Variants in RALGPS1 observed in about 807,000 individuals in gnomAD.
The protein encoded by RALGPS1 is Ral GEF with PH domain and SH3 binding motif 1, also known as ras-specific guanine nucleotide-releasing factor RalGPS1.
A neutral mutation model predicts 78.8 loss-of-function variants in RALGPS1; 19 were observed. The observed-to-expected ratio is 0.24, with a 90% CI of 0.17 to 0.35. RALGPS1 has a LOEUF of 0.35. RALGPS1 is among the 10% of genes least tolerant of loss of function. The probability of loss-of-function intolerance (pLI) is 1.00; values close to 1 mark genes in which losing one functional copy is unlikely to be tolerated. For synonymous variants in RALGPS1, 228 were observed against 256.3 expected (o/e 0.89, Z 1.06); for missense variants, 454 against 688.3 (o/e 0.66, Z 3.81).
intron 8 of RALGPS1, among the ~76,000 whole-genome samples, chr9:127,080,579 T>C (rs910888241): frequency 1.3e-5 from 2 of 152,198 alleles, no homozygotes; most frequent in Non-Finnish European, 2.9e-5. Context: ...ATCATAGATA[T>C]TGTACAGTGG....
intron 4 of RALGPS1, among the ~76,000 whole-genome samples, chr9:126,982,227 C>G (rs907481934): frequency 4.6e-5 from 7 of 152,188 alleles, no homozygotes; most frequent in African/African-American, 1.7e-4. Flanking sequence ...AGCTGGACAC[C>G]AGCAAGTAGG....
At chr9:127,098,249 G>T (rs557041811) in intron 8 of RALGPS1, among the ~76,000 whole-genome samples, 1 of 152,208 alleles carries the variant, frequency 6.6e-6, no homozygotes, top group Non-Finnish European at 1.5e-5. Flanking sequence ...AGTTTTCAAC[G>T]TGCAGTGGGC....
At position 127,219,046 on chromosome 9, in the gene RALGPS1, A is replaced by C. The variant is rs984946298; in HGVS notation, c.*277A>C. Reference sequence around the variant, plus strand: ...CGCCCTCTCTGGGCCCACCACCTGCATCTGCGACTAGAGAGCACCCGGCCC... The same window carrying C: ...CGCCCTCTCTGGGCCCACCACCTGCCTCTGCGACTAGAGAGCACCCGGCCC... On this transcript the variant is annotated 3_prime_UTR_variant, in exon 19 of 19. Coordinates refer to ENST00000259351, the MANE Select transcript of RALGPS1 (RefSeq NM_014636.3). This position sits in a 1 kb window ranked among gnomAD's most constrained non-coding sequence, Gnocchi z 5.0. The C allele has an allele frequency of 6.2e-5, 32 of 519,516 alleles. No individual in the cohort carries two copies. Among genetic ancestry groups the C allele is most frequent in the Non-Finnish European group, 1.0e-4 (29 of 285,574 alleles). The allele number at this position is 519,516 out of a possible 1,614,324, so 32.2% of individuals were successfully genotyped here.
intron 8 of RALGPS1, among the ~76,000 whole-genome samples, chr9:127,082,042 G>A (rs1428348320): frequency 6.6e-6 from 1 of 152,204 alleles, no homozygotes; most frequent in Non-Finnish European, 1.5e-5. Context: ...CCCAGACTAG[G>A]GCTGGTTCAG....
At chr9:126,931,473 T>C (rs1296372212) in intron 1 of RALGPS1, among the ~76,000 whole-genome samples, 1 of 152,206 alleles carries the variant, frequency 6.6e-6, no homozygotes, top group Non-Finnish European at 1.5e-5. Flanking sequence ...ATGCCTAATA[T>C]GGATAAACCT....
intron 8 of RALGPS1, among the ~76,000 whole-genome samples, chr9:127,154,737 T>C (rs1341024773): frequency 6.6e-6 from 1 of 152,214 alleles, no homozygotes; most frequent in Non-Finnish European, 1.5e-5. Context: ...ACTTAAAGAC[T>C]AGGTACAGTG....
At chr9:127,100,050 CATTA>C (rs2053565048) in intron 8 of RALGPS1, among the ~76,000 whole-genome samples, 1 of 152,274 alleles carries the variant, frequency 6.6e-6, no homozygotes, top group South Asian at 2.1e-4. Context: ...TTGTCAAGTT[CATTA>C]ATTGTTAAAT....
At chr9:127,155,616 G>A (rs936003033) in intron 8 of RALGPS1, among the ~76,000 whole-genome samples, 2 of 152,172 alleles carry the variant, frequency 1.3e-5, no homozygotes, top group African/African-American at 4.8e-5. Context: ...AAAGCCACTG[G>A]GTATTTTTAA....
intron 4 of RALGPS1, among the ~76,000 whole-genome samples, chr9:127,019,966 C>T (rs1171018575): frequency 6.6e-6 from 1 of 152,078 alleles, no homozygotes; most frequent in Admixed American, 6.5e-5. Flanking sequence ...TTTCCAATTA[C>T]CATTTCAATA....
rs538744274 is a variant in RALGPS1, at chr9:126,970,591, T to C, written c.165+4640T>C. Among the ~76,000 whole-genome samples, 3 of 151,504 alleles carry C rather than the reference T, an allele frequency of 2.0e-5. No homozygotes were observed. The East Asian group carries it at 5.8e-4, about 29-fold the overall frequency. On this transcript the variant is annotated intron_variant, in intron 3 of 18. Coordinates refer to ENST00000259351, the MANE Select transcript of RALGPS1 (RefSeq NM_014636.3). ...TCAAAATGATCAGAAAAGATAGAGA[T>C]AGTTGTGGCAAAAGATGATCTAAGA... is the stretch of plus-strand genomic sequence containing the variant.
intron 4 of RALGPS1, among the ~76,000 whole-genome samples, chr9:127,011,467 T>G (rs557228645): frequency 6.6e-6 from 1 of 152,316 alleles, no homozygotes; most frequent in South Asian, 2.1e-4. Context: ...CGTGAGCCAC[T>G]GTGCCTGGCC....
intron 4 of RALGPS1, among the ~76,000 whole-genome samples, chr9:127,017,469 G>A (rs901709182): frequency 7.9e-5 from 12 of 152,260 alleles, no homozygotes; most frequent in African/African-American, 2.9e-4. Flanking sequence ...AGTTGTTCTG[G>A]GTGGGTCAGT....
At position 127,122,099 on chromosome 9, in the gene RALGPS1, C is replaced by T. The variant is rs1454539261; in HGVS notation, c.611-43970C>T. On this transcript the variant is annotated intron_variant, in intron 8 of 18. Transcript: ENST00000259351. The surrounding 1 kb of genome is among the most constrained non-coding windows in gnomAD (Gnocchi z 6.4). ...GCTTACTCATGAAGTCCTCGAGATG[C>T]CAGCCCATGATCATGTGCCCCCAAA... 2.0e-5 allele frequency among the ~76,000 whole-genome samples: 3 copies of T among 152,180 alleles called. No homozygotes were observed. The highest frequency in any genetic ancestry group is 3.2e-3 in the Middle Eastern group (1 of 316).
intron 8 of RALGPS1, chr9:127,093,659 T>C: frequency 6.4e-7 from 1 of 1,557,468 alleles, no homozygotes; most frequent in East Asian, 2.2e-5. Context: ...GGCTCTTCTA[T>C]TGGTTGCTCA....
At chr9:127,124,127 A>G (rs756301764) in intron 8 of RALGPS1, among the ~76,000 whole-genome samples, 10 of 152,154 alleles carry the variant, frequency 6.6e-5, no homozygotes, top group Non-Finnish European at 1.0e-4. Flanking sequence ...CACTTCACCC[A>G]TGGAGCGGTG....
Position 127,103,895 on chromosome 9 carries a change from T to C in RALGPS1, c.610+34539T>C, listed in dbSNP as rs2053974946. 2.6e-5 allele frequency among the ~76,000 whole-genome samples: 4 copies of C among 152,190 alleles called. No homozygotes were observed. In the South Asian group the frequency reaches 8.3e-4, roughly 32 times the overall value. ...CCCCTCCAGCCTTCCCGTGGAAGTG[T>C]GCAATATCCAGAGTAGTTAAAACAT... On this transcript the variant is annotated intron_variant, in intron 8 of 18. Transcript: ENST00000259351.
At chr9:127,093,803 C>G in intron 8 of RALGPS1, 1 of 1,614,092 alleles carries the variant, frequency 6.2e-7, no homozygotes, top group Non-Finnish European at 8.5e-7. Context: ...GGTCCAGCCC[C>G]CGGGGTCGTG....
intron 4 of RALGPS1, among the ~76,000 whole-genome samples, chr9:127,023,646 G>A (rs1258505701): frequency 6.6e-6 from 1 of 152,166 alleles, no homozygotes; most frequent in South Asian, 2.1e-4. Flanking sequence ...GGACCTGCAT[G>A]CACTTGATTC....
chr9:126,961,744 C>A (rs763470404), intron 1 of RALGPS1, among the ~76,000 whole-genome samples: 1 of 152,130 alleles, frequency 6.6e-6, no homozygotes, highest in Non-Finnish European at 1.5e-5. Flanking sequence ...TGCAGTAAGC[C>A]GTGATTGAGC....
Sources: allele counts gnomAD v4.1 joint callset (sites outside exome capture counted in the v4.1 genomes callset), GRCh38; gene constraint gnomAD v4.1.1; non-coding constraint Gnocchi (gnomAD v3.1); transcripts MANE v1.5; gene names NCBI Gene and HGNC (gene_info 2026-07-23, HGNC 2026-07-21).